AQR: variants seen among roughly 807,000 people sequenced by gnomAD.
AQR encodes the protein aquarius intron-binding spliceosomal factor, also known as RNA helicase aquarius.
AQR carries 61 observed loss-of-function variants against 180.5 expected under a neutral mutation model. The observed-to-expected ratio is 0.34, with a 90% confidence interval of 0.28 to 0.42. The LOEUF (loss-of-function observed/expected upper bound fraction) is 0.42, where lower values mean the gene tolerates loss of function less well. Among genes scored for constraint, AQR ranks in the 10% least tolerant of loss-of-function variants. The probability of loss-of-function intolerance (pLI) is 1.00; values close to 1 mark genes in which losing one functional copy is unlikely to be tolerated. For missense variants in AQR, 1,281 were observed against 1,798.3 expected (o/e 0.71, Z 5.20); for synonymous variants, 551 against 588.8 (o/e 0.94, Z 0.93).
At chr15:34,890,118 A>C in intron 24 of AQR, 97 bp downstream of exon 24, 1 of 1,039,788 alleles carries the variant, frequency 9.6e-7, no homozygotes, top group South Asian at 1.6e-5. Context: ...TTCAGAATTA[A>C]GTTTCAGTAT....
intron 12 of AQR, among the ~76,000 whole-genome samples, chr15:34,929,951 C>A (rs1893826830): frequency 6.6e-6 from 1 of 152,058 alleles, no homozygotes; most frequent in African/African-American, 2.4e-5. Flanking sequence ...GCACCCCCTG[C>A]CATATGTTGA....
intron 9 of AQR, among the ~76,000 whole-genome samples, chr15:34,937,636 C>T (rs377485206): frequency 1.3e-5 from 2 of 152,122 alleles, no homozygotes; most frequent in African/African-American, 2.4e-5. Context: ...GTGATCCCAG[C>T]GCTTTGGGAG....
At chr15:34,963,482 C>T (rs1372370805) in intron 2 of AQR, among the ~76,000 whole-genome samples, 2 of 151,996 alleles carry the variant, frequency 1.3e-5, no homozygotes, top group African/African-American at 4.8e-5. Flanking sequence ...CCTCATTCAC[C>T]ACTCTAAAAA....
intron 1 of AQR, among the ~76,000 whole-genome samples, chr15:34,968,500 C>T (rs2140512573): frequency 6.7e-6 from 1 of 150,362 alleles, no homozygotes; most frequent in Admixed American, 6.6e-5. Flanking sequence ...CCTCGTGATC[C>T]GCCCGCCTCG....
chr15:34,968,544 C>T (rs1004222424), intron 1 of AQR, among the ~76,000 whole-genome samples: 5 of 152,108 alleles, frequency 3.3e-5, no homozygotes, highest in Non-Finnish European at 7.4e-5. Context: ...AGGCGTGAGC[C>T]CCTGCGCCCG....
intron 4 of AQR, among the ~76,000 whole-genome samples, chr15:34,951,853 G>A (rs1417574882): frequency 6.6e-6 from 1 of 152,062 alleles, no homozygotes; most frequent in African/African-American, 2.4e-5. Flanking sequence ...GATGGAAAGA[G>A]CATATTTATC....
intron 22 of AQR, among the ~76,000 whole-genome samples, chr15:34,896,462 C>T (rs938765595): frequency 4.6e-5 from 7 of 150,900 alleles, no homozygotes; most frequent in South Asian, 2.1e-4. Context: ...TACTTGTAAA[C>T]GCTTAAATTC....
At chr15:34,884,995 T>C (rs892208796) in intron 25 of AQR, among the ~76,000 whole-genome samples, 2 of 151,966 alleles carry the variant, frequency 1.3e-5, no homozygotes, top group African/African-American at 4.9e-5. Flanking sequence ...CATCATCTCA[T>C]AGAACTCTAA....
At position 34,902,168 on chromosome 15, in the gene AQR, A is replaced by G. The variant is rs546010693; in HGVS notation, c.2002-1305T>C. Among the ~76,000 whole-genome samples the G allele has an allele frequency of 2.0e-5, 3 of 152,266 alleles. No individual in the cohort carries two copies. The South Asian group carries it at 6.2e-4, about 32-fold the overall frequency. On this transcript the variant is annotated intron_variant, in intron 19 of 34. Coordinates refer to ENST00000156471, the MANE Select transcript of AQR (RefSeq NM_014691.3). ...GGAGCTTTGATTTATTTCATCATGAATAGAAAGTCAAAGAAATGTTCTGAG... is the reference window on the plus strand; with the variant it reads ...GGAGCTTTGATTTATTTCATCATGAGTAGAAAGTCAAAGAAATGTTCTGAG...
chr15:34,916,298 A>T (rs894525625), intron 15 of AQR, among the ~76,000 whole-genome samples: 1 of 151,864 alleles, frequency 6.6e-6, no homozygotes, highest in Non-Finnish European at 1.5e-5. Context: ...GTTATTCCAG[A>T]CTCCCCCTTT....
At chr15:34,933,225 G>A (rs957085843) in intron 10 of AQR, among the ~76,000 whole-genome samples, 1 of 147,154 alleles carries the variant, frequency 6.8e-6, no homozygotes, top group Non-Finnish European at 1.5e-5. Context: ...GAGATCCTCA[G>A]AAGTTAGAAG....
intron 12 of AQR, among the ~76,000 whole-genome samples, chr15:34,929,884 T>C (rs963397827): frequency 2.4e-4 from 36 of 152,324 alleles, no homozygotes; most frequent in Admixed American, 1.3e-3. Flanking sequence ...CTGAATTACA[T>C]TGGTAAATTT....
chr15:34,878,681 T>A (rs1226043825), intron 27 of AQR, among the ~76,000 whole-genome samples: 1 of 152,152 alleles, frequency 6.6e-6, no homozygotes, highest in Non-Finnish European at 1.5e-5. Context: ...CAACATTGAA[T>A]TAATAATCCC....
At position 34,870,931 on chromosome 15, in the gene AQR, C is replaced by A. The variant is rs371818954; in HGVS notation, c.3598-9G>T. The A allele has an allele frequency of 3.7e-6, 6 of 1,608,462 alleles. No individual in the cohort carries two copies. Among genetic ancestry groups the A allele is most frequent in the Non-Finnish European group, 5.1e-6 (6 of 1,176,452 alleles). On this transcript the variant is annotated splice_polypyrimidine_tract_variant and intron_variant, in intron 30 of 34. Transcript: ENST00000156471. ...TCTGCCTCTCCAAGATTCTGTAATG[C>A]AAACATAATCAGACTGTGCATTCAT...
chr15:34,943,571 C>G (rs868254769), intron 6 of AQR, among the ~76,000 whole-genome samples: 8 of 151,942 alleles, frequency 5.3e-5, no homozygotes, highest in Admixed American at 2.0e-4. Context: ...TGAGATAGTA[C>G]ATGGAAACAG....
chr15:34,904,249 T>G, intron 19 of AQR, 87 bp downstream of exon 19: 1 of 960,582 alleles, frequency 1.0e-6, no homozygotes, highest in Admixed American at 3.4e-5. Flanking sequence ...TTAACAAATC[T>G]TCCTCTAACC....
intron 15 of AQR, among the ~76,000 whole-genome samples, chr15:34,917,203 A>G (rs914572818): frequency 6.6e-6 from 1 of 152,216 alleles, no homozygotes; most frequent in African/African-American, 2.4e-5. Context: ...ATCTAGCACA[A>G]TATTAGTGCA....
chr15:34,883,341 A>G (rs1037650194), intron 26 of AQR, among the ~76,000 whole-genome samples: 1 of 152,198 alleles, frequency 6.6e-6, no homozygotes, highest in African/African-American at 2.4e-5. Flanking sequence ...AGCAGAAAAG[A>G]GTATGGAAAA....
intron 14 of AQR, among the ~76,000 whole-genome samples, chr15:34,919,352 A>G (rs943203023): frequency 6.6e-6 from 1 of 152,172 alleles, no homozygotes; most frequent in Non-Finnish European, 1.5e-5. Context: ...ATAATTATAG[A>G]AAAAATCATG....
Sources: gnomAD v4.1 joint callset for allele counts (sites outside exome capture counted in the v4.1 genomes callset) on GRCh38, gnomAD v4.1.1 for gene constraint, MANE v1.5 for transcripts, NCBI Gene and HGNC (gene_info 2026-07-23, HGNC 2026-07-21) for gene names.